Variants in NOTCH2 observed in about 807,000 individuals in gnomAD.
NOTCH2 encodes the protein notch receptor 2, also known as neurogenic locus notch homolog protein 2.
NOTCH2 carries 29 observed loss-of-function variants against 235.8 expected under a neutral mutation model. The ratio of observed to expected loss-of-function variants is 0.12; its 90% CI spans 0.09 to 0.17. The LOEUF is 0.17. NOTCH2 is among the 10% of genes least tolerant of loss of function. NOTCH2 has a pLI of 1.00. For synonymous variants in NOTCH2, 1,086 were observed against 1,141.5 expected (o/e 0.95, Z 0.98); for missense variants, 2,285 against 3,150.2 (o/e 0.73, Z 6.57).
In NOTCH2 at chr1:119,922,791, A is replaced by C; in HGVS notation, c.4860-13T>G. 3.7e-6 allele frequency: 6 copies of C among 1,614,024 alleles called. No individual in the cohort carries two copies. The highest frequency in any genetic ancestry group is 5.1e-6 in the Non-Finnish European group (6 of 1,180,036). ...AAAGACTTTAGAGCTGTGGGATGCC[A>C]AGGGAGAAGCGGAGGAGGAGAGATG... On this transcript the variant is annotated splice_polypyrimidine_tract_variant and intron_variant, in intron 26 of 33. Coordinates refer to ENST00000256646, the MANE Select transcript of NOTCH2 (RefSeq NM_024408.4).
At chr1:119,930,689 G>A (rs1649622079) in intron 22 of NOTCH2, among the ~76,000 whole-genome samples, 1 of 151,930 alleles carries the variant, frequency 6.6e-6, no homozygotes. Context: ...TGAGGCAGGA[G>A]AATCACTTGA....
chr1:119,960,685 T>A (rs1570694713), intron 11 of NOTCH2, among the ~76,000 whole-genome samples: 1 of 152,000 alleles, frequency 6.6e-6, no homozygotes, highest in African/African-American at 2.4e-5. Flanking sequence ...TTCTTTCTTT[T>A]TTTTCAGAGA....
intron 22 of NOTCH2, among the ~76,000 whole-genome samples, chr1:119,932,588 AAAAC>A (rs1233225332): frequency 2.0e-5 from 3 of 147,580 alleles, no homozygotes; most frequent in African/African-American, 7.7e-5. Flanking sequence ...ACTCCATCTC[AAAAC>A]AAACAAACAA....
intron 5 of NOTCH2, among the ~76,000 whole-genome samples, chr1:119,975,340 G>A (rs587612584): frequency 2.6e-5 from 4 of 152,296 alleles, no homozygotes; most frequent in African/African-American, 9.6e-5. Flanking sequence ...GCTTCAGGCT[G>A]AACAAGTAAG....
intron 17 of NOTCH2, 111 bp downstream of exon 17, chr1:119,948,303 C>A (rs1570683135): frequency 2.7e-6 from 3 of 1,118,052 alleles, no homozygotes; most frequent in African/African-American, 1.5e-5. Context: ...GGATAAATGA[C>A]CGGTATGCCC....
rs756715170 is a variant in NOTCH2, at chr1:119,915,734, G to A, written c.6988C>T (p.Pro2330Ser). The A allele has an allele frequency of 1.2e-6, 2 of 1,608,010 alleles. No individual in the cohort carries two copies. Among genetic ancestry groups the A allele is most frequent in the African/African-American group, 1.3e-5 (1 of 74,858 alleles). Residue 2330 changes from proline (P) to serine (S), a missense_variant, in exon 34 of 34, where the codon CCA becomes TCA. Pro to Ser is a moderately conservative substitution (Grantham distance 74). This residue lies in a region of NOTCH2 where 504 missense variants were observed against 538.0 expected (regional missense o/e 0.94). Coordinates refer to ENST00000256646, the MANE Select transcript of NOTCH2 (RefSeq NM_024408.4). ...GAPQPQSTCP[P>S]AVAGPLPTMY... ...GTGGGCAGGGGGCCCGCAACAGCTG[G>A]AGGGCAGGTGGACTGAGGCTGGGGA... is the stretch of plus-strand genomic sequence containing the variant.
chr1:120,003,351 T>C, intron 3 of NOTCH2, among the ~76,000 whole-genome samples: 1 of 150,606 alleles, frequency 6.6e-6, no homozygotes, highest in South Asian at 2.1e-4. Flanking sequence ...AAACTCTCCT[T>C]TATATATATA....
chr1:119,967,524 C>T lies in NOTCH2; in HGVS notation c.1362G>A (p.Glu454=), dbSNP rs1553199826. 4.3e-6 allele frequency: 7 copies of T among 1,614,096 alleles called. No homozygotes were observed. Among genetic ancestry groups the T allele is most frequent in the Non-Finnish European group, 5.9e-6 (7 of 1,179,958 alleles). ...CTGAATGGCACTCATTGATGTCCAT[C>T]TCACAACGAGGTCCTGCATAACCCT... ...CLKGYAGPRC[E]MDINECHSDP... Residue 454 remains glutamate (E), a synonymous_variant, in exon 8 of 34, where the codon GAG becomes GAA. Coordinates refer to ENST00000256646, the MANE Select transcript of NOTCH2 (RefSeq NM_024408.4).
intron 17 of NOTCH2, 88 bp from the exon 18 acceptor site, chr1:119,941,842 T>C: frequency 9.7e-7 from 1 of 1,030,160 alleles, no homozygotes. Context: ...AACTAAGTCA[T>C]GCTGGGGGCA....
chr1:119,919,240 T>A, intron 31 of NOTCH2, 72 bp downstream of exon 31: 2 of 1,433,894 alleles, frequency 1.4e-6, no homozygotes, highest in Non-Finnish European at 1.9e-6. Flanking sequence ...GAGATATTAA[T>A]TCTTTAAAAA....
Position 119,966,392 on chromosome 1 carries a change from C to T in NOTCH2, c.1551G>A (p.Gln517=). The change falls in exon 9 of 34, where the codon CAG becomes CAA. Residue 517 remains glutamine (Q), a synonymous_variant. Transcript: ENST00000256646. ...GGCACTTACCAGGAGGACACAGGCA[C>T]TGGAAACGATTGACTTTATCCACAC... The part of the protein sequence containing the change: ...GQCVDKVNRF[Q]CLCPPGFTGP... 6.2e-7 allele frequency: 1 copy of T among 1,613,604 alleles called. No homozygotes were observed. Among genetic ancestry groups the T allele is most frequent in the Non-Finnish European group, 8.5e-7 (1 of 1,179,554 alleles).
intron 17 of NOTCH2, 44 bp downstream of exon 17, chr1:119,948,370 T>C: frequency 1.2e-6 from 2 of 1,612,164 alleles, no homozygotes; most frequent in Non-Finnish European, 1.7e-6. Context: ...TCCCTGTGTG[T>C]TTTCCTCTCC....
intron 2 of NOTCH2, among the ~76,000 whole-genome samples, chr1:120,029,327 A>ATATATATTTTTTTATATATATT (rs1654001000): frequency 6.6e-6 from 1 of 151,702 alleles, no homozygotes; most frequent in Non-Finnish European, 1.5e-5. Flanking sequence ...AACACAAGGG[A>ATATATATTTTTTTATATATATT]ATCTAATATA....
In NOTCH2 at chr1:119,930,529, A is replaced by G. The variant is rs148113489; in HGVS notation, c.3656-1317T>C. The stretch of plus-strand genomic sequence containing the variant: ...CACAGTGGCTCACACCTGTAATCCC[A>G]GCACTTTGGGAGGCTAAGGCAGGCG... On this transcript the variant is annotated intron_variant, in intron 22 of 33. Transcript: ENST00000256646. Among the ~76,000 whole-genome samples, 125 of 152,078 alleles carry G rather than the reference A, an allele frequency of 8.2e-4. 1 individual carries two copies. The East Asian group carries it at 0.02, about 24-fold the overall frequency.
At position 119,912,460 on chromosome 1, in the gene NOTCH2, C is replaced by T; in HGVS notation, c.*2846G>A. On this transcript the variant is annotated 3_prime_UTR_variant, in exon 34 of 34. Coordinates refer to ENST00000256646, the MANE Select transcript of NOTCH2 (RefSeq NM_024408.4). ...AATAAGAGGATGCAATGGATTTGAG[C>T]ATCACAGCCAATTGCTTATACTAAA... The T allele has an allele frequency of 4.3e-6, 1 of 233,404 alleles. No homozygotes were observed. The allele number at this position is 233,404 out of a possible 1,614,324, so 14.5% of individuals were successfully genotyped here. A position where few individuals can be genotyped will look rare whatever the true frequency, so the allele number is the denominator to read the frequency against.
intron 28 of NOTCH2, among the ~76,000 whole-genome samples, 177 bp downstream of exon 28, chr1:119,922,059 G>T (rs1367140022): frequency 6.6e-6 from 1 of 152,154 alleles, no homozygotes; most frequent in East Asian, 1.9e-4. Flanking sequence ...AATATACACA[G>T]AATAGATGCA....
chr1:119,961,327 C>G (rs1650928456), intron 11 of NOTCH2, among the ~76,000 whole-genome samples: 1 of 152,192 alleles, frequency 6.6e-6, no homozygotes, highest in African/African-American at 2.4e-5. Flanking sequence ...TAACCCTTGA[C>G]TGACAACCCT....
At position 119,926,616 on chromosome 1, in the gene NOTCH2, GAAAATAA is replaced by G. The variant is rs2101165048; in HGVS notation, c.3893-12_3893-6del. 6.3e-7 allele frequency: 1 copy of G among 1,592,922 alleles called. No individual in the cohort carries two copies. The highest frequency in any genetic ancestry group is 8.6e-7 in the Non-Finnish European group (1 of 1,166,838). On this transcript the variant is annotated splice_region_variant and splice_polypyrimidine_tract_variant and intron_variant, in intron 23 of 33. Transcript: ENST00000256646. ...CGAAGGTTTCACAGTGCCGGCCTCA[GAAAATAA>G]AAAATAAAAAAGGTTTTAAAAGGCA...
Position 119,914,698 on chromosome 1 carries a change from A to G in NOTCH2, c.*608T>C. ...ACCATACCAAAGTAAACCTTGTGAG[A>G]CTCCAAGGGATACCGGGAAGACAGG... On this transcript the variant is annotated 3_prime_UTR_variant, in exon 34 of 34. Transcript: ENST00000256646. 1 of 246,494 alleles carries G rather than the reference A, an allele frequency of 4.1e-6. No homozygotes were observed. Among genetic ancestry groups the G allele is most frequent in the South Asian group, 1.4e-4 (1 of 7,398 alleles). 15.3% of individuals were successfully genotyped at this position (246,494 alleles called of 1,614,324 possible). A position where few individuals can be genotyped will look rare whatever the true frequency, so the allele number is the denominator to read the frequency against.
Sources: gnomAD v4.1 joint callset for allele counts (sites outside exome capture counted in the v4.1 genomes callset) on GRCh38, gnomAD v4.1.1 for gene constraint, gnomAD v4.1.1 regional missense constraint, MANE v1.5 for transcripts, NCBI Gene and HGNC (gene_info 2026-07-23, HGNC 2026-07-21) for gene names.